The following TXLNB variants were observed in gnomAD, a reference collection of about 807,000 sequenced individuals.
TXLNB encodes the protein taxilin beta, also known as beta-taxilin.
Under a neutral mutation model 57.4 loss-of-function variants are expected in TXLNB, and 37 were observed. The ratio of observed to expected loss-of-function variants is 0.64; its 90% CI spans 0.50 to 0.85. TXLNB has a LOEUF of 0.85. Among genes scored for constraint, TXLNB ranks in the 40% least tolerant of loss-of-function variants. The probability of loss-of-function intolerance (pLI) is 0.00; values close to 1 mark genes in which losing one functional copy is unlikely to be tolerated. For synonymous variants in TXLNB, 302 were observed against 309.6 expected, an observed-to-expected ratio of 0.98 and a Z score of 0.26; for missense variants, 848 against 825.6, an observed-to-expected ratio of 1.03 and a Z score of -0.33.
At chr6:139,288,275 G>A (rs1008961341) in intron 2 of TXLNB, among the ~76,000 whole-genome samples, 1 of 152,166 alleles carries the variant, frequency 6.6e-6, no homozygotes, top group African/African-American at 2.4e-5. Context: ...ACGGAACAAA[G>A]GGTCAATGGG....
At chr6:139,221,752 T>G in the TXLNB span, among the ~76,000 whole-genome samples, 1 of 152,124 alleles carries the variant, frequency 6.6e-6, no homozygotes, top group Non-Finnish European at 1.5e-5. Flanking sequence ...ACTCAATGGA[T>G]TGGTATAACA....
intron 2 of TXLNB, among the ~76,000 whole-genome samples, chr6:139,277,965 A>G (rs1776942915): frequency 1.3e-5 from 2 of 152,192 alleles, no homozygotes; most frequent in Admixed American, 1.3e-4. Flanking sequence ...TGAAATTAGG[A>G]TTGCCAGATG....
chr6:139,322,707 A>G, the TXLNB span, among the ~76,000 whole-genome samples: 1 of 152,222 alleles, frequency 6.6e-6, no homozygotes, highest in African/African-American at 2.4e-5. Context: ...CTTAGTAACA[A>G]CTGCCTTCCC....
At chr6:139,321,790 C>A in the TXLNB span, among the ~76,000 whole-genome samples, 2 of 151,686 alleles carry the variant, frequency 1.3e-5, no homozygotes, top group Non-Finnish European at 2.9e-5. Context: ...CACCACCACG[C>A]CTGGCTAATT....
chr6:139,198,645 C>T, the TXLNB span, among the ~76,000 whole-genome samples: 1 of 152,174 alleles, frequency 6.6e-6, no homozygotes. Flanking sequence ...AATTGAGGTG[C>T]ATGGCAGGAG....
the TXLNB span, chr6:139,180,819 T>C: frequency 6.6e-6 from 1 of 152,662 alleles, no homozygotes; most frequent in East Asian, 1.9e-4. Flanking sequence ...ACTCTGTCTT[T>C]AGTTTGTCAC....
chr6:139,217,853 A>G, the TXLNB span, among the ~76,000 whole-genome samples: 4 of 142,146 alleles, frequency 2.8e-5, no homozygotes, highest in African/African-American at 1.1e-4. Flanking sequence ...TGGGCGACAG[A>G]GCAAGAGTCT....
the TXLNB span, among the ~76,000 whole-genome samples, chr6:139,188,960 T>C: frequency 1.3e-5 from 2 of 152,326 alleles, no homozygotes; most frequent in Middle Eastern, 6.8e-3. Context: ...TTCACAACAT[T>C]GGCCAGGCTG....
the TXLNB span, among the ~76,000 whole-genome samples, chr6:139,200,649 T>C: frequency 1.3e-5 from 2 of 152,276 alleles, no homozygotes; most frequent in East Asian, 3.9e-4. Flanking sequence ...ATTTGGGATG[T>C]AAAATCAGTA....
the TXLNB span, among the ~76,000 whole-genome samples, chr6:139,182,322 A>G: frequency 2.6e-5 from 4 of 152,236 alleles, no homozygotes; most frequent in South Asian, 4.1e-4. Context: ...ATTTCTACCA[A>G]TGTAATTTAT....
At chr6:139,200,222 T>A in the TXLNB span, 1 of 152,294 alleles carries the variant, frequency 6.6e-6, no homozygotes, top group Non-Finnish European at 1.5e-5. Flanking sequence ...ATCTGCATTG[T>A]GTACCGAGAG....
intron 7 of TXLNB, among the ~76,000 whole-genome samples, chr6:139,249,914 T>C (rs550461660): frequency 6.6e-6 from 1 of 152,234 alleles, no homozygotes; most frequent in East Asian, 1.9e-4. Context: ...AAGGAATTCA[T>C]GGCCAAGAAG....
chr6:139,227,717 A>G, the TXLNB span, among the ~76,000 whole-genome samples: 1 of 152,132 alleles, frequency 6.6e-6, no homozygotes, highest in East Asian at 1.9e-4. Flanking sequence ...TCAATGAACT[A>G]CTCCTACAAG....
chr6:139,267,404 G>A (rs916087577), intron 4 of TXLNB, among the ~76,000 whole-genome samples: 15 of 152,152 alleles, frequency 9.9e-5, no homozygotes, highest in African/African-American at 3.6e-4. Flanking sequence ...GTTATGTGAA[G>A]TAATACAACA....
At chr6:139,171,451 G>T in the TXLNB span, among the ~76,000 whole-genome samples, 1 of 152,160 alleles carries the variant, frequency 6.6e-6, no homozygotes, top group Non-Finnish European at 1.5e-5. Flanking sequence ...GAAGATCAGG[G>T]TGTTTAATTA....
the TXLNB span, among the ~76,000 whole-genome samples, chr6:139,199,360 G>A: frequency 3.0e-4 from 45 of 152,134 alleles, no homozygotes; most frequent in Non-Finnish European, 5.9e-4. Context: ...CTGTCTACCT[G>A]ATGTCCTTTT....
downstream of TXLNB, among the ~76,000 whole-genome samples, chr6:139,237,742 A>G (rs568948878): frequency 5.9e-5 from 9 of 152,194 alleles, no homozygotes; most frequent in Non-Finnish European, 1.2e-4. Flanking sequence ...TGAGTTTTAC[A>G]CGTCGGTATG....
At chr6:139,257,467 A>C (rs926696994) in intron 6 of TXLNB, among the ~76,000 whole-genome samples, 1 of 152,232 alleles carries the variant, frequency 6.6e-6, no homozygotes, top group Non-Finnish European at 1.5e-5. Flanking sequence ...ATTGGAAAGA[A>C]AAGGTTTGTG....
At chr6:139,186,968 GAGAA>G in the TXLNB span, among the ~76,000 whole-genome samples, 5 of 152,312 alleles carry the variant, frequency 3.3e-5, no homozygotes, top group African/African-American at 1.2e-4. Context: ...TTAATGAGAA[GAGAA>G]AGAAAATGAT....
Sources: allele counts gnomAD v4.1 joint callset (sites outside exome capture counted in the v4.1 genomes callset), GRCh38; gene constraint gnomAD v4.1.1; transcripts MANE v1.5; gene names NCBI Gene and HGNC (gene_info 2026-07-23, HGNC 2026-07-21).